PLEKHA5: variants seen among roughly 807,000 people sequenced by gnomAD.
PLEKHA5 encodes the protein pleckstrin homology domain-containing family A member 5.
In PLEKHA5, 55 loss-of-function variants were observed where a neutral mutation model predicts 181.9. The observed-to-expected ratio is 0.30, with a 90% CI of 0.24 to 0.38. The LOEUF (loss-of-function observed/expected upper bound fraction) is 0.38, where lower values mean the gene tolerates loss of function less well. PLEKHA5 is among the 10% of genes least tolerant of loss of function. The probability of loss-of-function intolerance (pLI) is 1.00; values close to 1 mark genes in which losing one functional copy is unlikely to be tolerated. For missense variants in PLEKHA5, 1,432 were observed against 1,549.5 expected, an observed-to-expected ratio of 0.92 and a Z score of 1.27; for synonymous variants, 535 against 529.4, an observed-to-expected ratio of 1.01 and a Z score of -0.15.
chr12:19,206,290 G>T (rs975624532), intron 3 of PLEKHA5, among the ~76,000 whole-genome samples: 9 of 151,886 alleles, frequency 5.9e-5, no homozygotes, highest in African/African-American at 2.2e-4. Flanking sequence ...ATAATATTAT[G>T]TAATATTTAA....
rs988405191 is a variant in PLEKHA5, at chr12:19,274,550, A to G, written c.880A>G (p.Lys294Glu). 1.2e-6 allele frequency: 2 copies of G among 1,609,904 alleles called. No homozygotes were observed. The highest frequency in any genetic ancestry group is 1.7e-5 in the Admixed American group (1 of 59,258). Residue 294 changes from lysine (K) to glutamate (E), a missense_variant, in exon 11 of 32, where the codon AAA (lysine) becomes GAA (glutamate). Lys to Glu is a moderately conservative substitution (Grantham distance 56). Coordinates refer to ENST00000429027, the MANE Select transcript of PLEKHA5 (RefSeq NM_001256470.2). ...GATTACATCTGAAAATGCACCAACT[A>G]AAGAAACCAATAACATTCCCAACCA... is the stretch of plus-strand genomic sequence containing the variant. ...DKITSENAPT[K>E]ETNNIPNHRV...
At chr12:19,281,464 C>T (rs2076125669) in intron 11 of PLEKHA5, among the ~76,000 whole-genome samples, 2 of 151,736 alleles carry the variant, frequency 1.3e-5, no homozygotes, top group Non-Finnish European at 2.9e-5. Context: ...GTAGTCCCAG[C>T]TACTCAGGGG....
intron 3 of PLEKHA5, 67 bp from the exon 4 acceptor site, chr12:19,253,873 T>C (rs1458382673): frequency 1.3e-5 from 12 of 929,672 alleles, no homozygotes; most frequent in South Asian, 7.0e-5. Flanking sequence ...TGTAGACTAA[T>C]GTTACAATAA....
intron 3 of PLEKHA5, chr12:19,243,396 A>G (rs896981139): frequency 6.6e-6 from 1 of 152,226 alleles, no homozygotes; most frequent in African/African-American, 2.4e-5. Context: ...ACCTACCTCA[A>G]ATGGGCTCTG....
At chr12:19,181,340 A>G (rs745863401) in intron 3 of PLEKHA5, among the ~76,000 whole-genome samples, 1 of 152,212 alleles carries the variant, frequency 6.6e-6, no homozygotes, top group Non-Finnish European at 1.5e-5. Context: ...AGTTTTTGAA[A>G]TCTCTTGTTG....
At chr12:19,245,816 C>T (rs2063605568) in intron 3 of PLEKHA5, among the ~76,000 whole-genome samples, 1 of 148,168 alleles carries the variant, frequency 6.7e-6, no homozygotes, top group Admixed American at 6.8e-5. Context: ...CCACCTTGGG[C>T]TTGAGAGGAT....
chr12:19,147,910 A>AT (rs1333907200), intron 3 of PLEKHA5, among the ~76,000 whole-genome samples: 23 of 149,626 alleles, frequency 1.5e-4, no homozygotes, highest in South Asian at 2.1e-4. Flanking sequence ...TAATTTATCT[A>AT]TTTTTTTTTA....
At chr12:19,228,831 C>T (rs143689148) in intron 3 of PLEKHA5, among the ~76,000 whole-genome samples, 4 of 152,228 alleles carry the variant, frequency 2.6e-5, no homozygotes, top group African/African-American at 7.2e-5. Flanking sequence ...ATGGAAAAAG[C>T]ATTACACTCT....
At chr12:19,213,430 A>C (rs143767867) in intron 3 of PLEKHA5, among the ~76,000 whole-genome samples, 7 of 152,164 alleles carry the variant, frequency 4.6e-5, no homozygotes, top group Admixed American at 6.6e-5. Context: ...AGAGTATTCA[A>C]TGTGAGGTGC....
At chr12:19,372,166 A>G (rs2095596466) in intron 31 of PLEKHA5, 1 of 152,054 alleles carries the variant, frequency 6.6e-6, no homozygotes, top group Non-Finnish European at 1.5e-5. Flanking sequence ...ACACCCAGCT[A>G]ATTTTTGAAT....
intron 20 of PLEKHA5, among the ~76,000 whole-genome samples, chr12:19,323,428 G>A (rs533118341): frequency 1.0e-3 from 155 of 152,128 alleles, no homozygotes; most frequent in Non-Finnish European, 1.5e-3. Flanking sequence ...ATCTGAGCCC[G>A]GGAGGCAGAG....
At chr12:19,240,635 A>G (rs2062371546) in intron 3 of PLEKHA5, among the ~76,000 whole-genome samples, 1 of 149,302 alleles carries the variant, frequency 6.7e-6, no homozygotes, top group South Asian at 2.1e-4. Flanking sequence ...ATTAATTATT[A>G]TTATTATTAT....
At chr12:19,167,771 A>G (rs1344062921) in intron 3 of PLEKHA5, among the ~76,000 whole-genome samples, 2 of 152,132 alleles carry the variant, frequency 1.3e-5, no homozygotes, top group East Asian at 1.9e-4. Flanking sequence ...AATTACAACT[A>G]TGATCAGCTT....
At chr12:19,301,983 C>A (rs2081599503) in intron 15 of PLEKHA5, among the ~76,000 whole-genome samples, 1 of 152,120 alleles carries the variant, frequency 6.6e-6, no homozygotes, top group Admixed American at 6.5e-5. Flanking sequence ...ATAAAGACCC[C>A]TGCATTCCCT....
At chr12:19,293,040 A>G (rs2152857296) in intron 15 of PLEKHA5, among the ~76,000 whole-genome samples, 1 of 152,328 alleles carries the variant, frequency 6.6e-6, no homozygotes, top group Non-Finnish European at 1.5e-5. Flanking sequence ...GTTATTAGAC[A>G]TAATTTCTTT....
chr12:19,316,826 C>T (rs940506784), intron 16 of PLEKHA5, among the ~76,000 whole-genome samples: 46 of 152,286 alleles, frequency 3.0e-4, no homozygotes, highest in African/African-American at 1.0e-3. Context: ...AGGTTTCCCT[C>T]ATCATGTTAT....
intron 21 of PLEKHA5, among the ~76,000 whole-genome samples, chr12:19,339,229 C>G (rs2093681434): frequency 6.6e-6 from 1 of 151,894 alleles, no homozygotes. Context: ...TTAGTAGAGA[C>G]AAGGTTTCAC....
In PLEKHA5 at chr12:19,308,572, C is replaced by T. The variant is rs566742295; in HGVS notation, c.2038-6242C>T. Among the ~76,000 whole-genome samples, 61 of 152,246 alleles carry T rather than the reference C, an allele frequency of 4.0e-4. 1 individual carries two copies. The South Asian group carries it at 0.011, about 27-fold the overall frequency. ...TAATTTCCTTTACTAAGTTCACTTA[C>T]ATTACTTACAGAGTTTTATTCATTG... On this transcript the variant is annotated intron_variant, in intron 15 of 31. Coordinates refer to ENST00000429027, the MANE Select transcript of PLEKHA5 (RefSeq NM_001256470.2).
At chr12:19,343,270 C>A in intron 21 of PLEKHA5, 53 bp from the exon 22 acceptor site, 1 of 979,588 alleles carries the variant, frequency 1.0e-6, no homozygotes, top group South Asian at 1.6e-5. Flanking sequence ...AATCATTTAA[C>A]TTCAGTGAAT....
Sources: gnomAD v4.1 joint callset for allele counts (sites outside exome capture counted in the v4.1 genomes callset) on GRCh38, gnomAD v4.1.1 for gene constraint, MANE v1.5 for transcripts, NCBI Gene and HGNC (gene_info 2026-07-23, HGNC 2026-07-21) for gene names.